The following COBLL1 variants were observed in gnomAD, a reference collection of about 807,000 sequenced individuals.
The protein encoded by COBLL1 is cordon-bleu WH2 repeat protein like 1.
In COBLL1, 50 loss-of-function variants were observed where a neutral mutation model predicts 94.8. The observed-to-expected ratio is 0.53, with a 90% CI of 0.42 to 0.67. COBLL1 has a LOEUF of 0.67. COBLL1 is among the 30% of genes least tolerant of loss of function. COBLL1 has a pLI of 0.00. For missense variants in COBLL1, 1,362 were observed against 1,348.7 expected (o/e 1.01, Z -0.15); for synonymous variants, 448 against 473.8 (o/e 0.95, Z 0.71).
Position 164,692,469 on chromosome 2 carries a change from C to A in COBLL1, c.3124-72G>T, listed in dbSNP as rs868273927. The A allele has an allele frequency of 7.8e-5, 93 of 1,186,900 alleles. No homozygotes were observed. In the Middle Eastern group the frequency reaches 2.7e-3, roughly 35 times the overall value. The allele number at this position is 1,186,900 out of a possible 1,614,324, so 73.5% of individuals were successfully genotyped here. A position where few individuals can be genotyped will look rare whatever the true frequency, so the allele number is the denominator to read the frequency against. On this transcript the variant is annotated intron_variant, in intron 12 of 13. Transcript: ENST00000652658. The stretch of plus-strand genomic sequence containing the variant: ...TGGGCCATTTTTTGCAAAACATTTT[C>A]ATCATCAATAGTTCTTTAACAATCA...
chr2:164,702,549 G>A (rs1159170537), intron 9 of COBLL1, among the ~76,000 whole-genome samples: 2 of 107,400 alleles, frequency 1.9e-5, no homozygotes, highest in South Asian at 5.7e-4. Flanking sequence ...GGGCAACAGT[G>A]AGACTCCTCA....
intron 2 of COBLL1, among the ~76,000 whole-genome samples, chr2:164,812,226 G>A (rs1469870318): frequency 6.6e-6 from 1 of 151,870 alleles, no homozygotes; most frequent in African/African-American, 2.4e-5. Flanking sequence ...AAGAACACTT[G>A]AATGTTGGTT....
chr2:164,835,040 G>A (rs1388903450), intron 2 of COBLL1, among the ~76,000 whole-genome samples: 1 of 151,140 alleles, frequency 6.6e-6, no homozygotes, highest in East Asian at 1.9e-4. Flanking sequence ...TTTGGTGAAT[G>A]TAAAATGGTA....
intron 2 of COBLL1, among the ~76,000 whole-genome samples, chr2:164,835,303 A>G (rs1408911432): frequency 6.6e-6 from 1 of 152,196 alleles, no homozygotes; most frequent in African/African-American, 2.4e-5. Context: ...GCAAAATGTG[A>G]TCTATACATA....
intron 2 of COBLL1, among the ~76,000 whole-genome samples, chr2:164,784,726 T>C (rs1419742481): frequency 2.6e-5 from 4 of 152,160 alleles, no homozygotes; most frequent in Non-Finnish European, 5.9e-5. Context: ...ATGATACTTA[T>C]GCATTTATCT....
intron 2 of COBLL1, among the ~76,000 whole-genome samples, chr2:164,760,328 G>A (rs1035955099): frequency 6.6e-6 from 1 of 152,156 alleles, no homozygotes; most frequent in Admixed American, 6.6e-5. Flanking sequence ...GCTTACGTAA[G>A]AGTCTCAAAG....
intron 2 of COBLL1, among the ~76,000 whole-genome samples, chr2:164,818,339 T>TAC (rs200311688): frequency 0.19 from 26,096 of 136,360 alleles, 3,110 homozygotes; most frequent in African/African-American, 0.3. Flanking sequence ...CATATATGTA[T>TAC]ATATACATAT....
In COBLL1 at chr2:164,659,582, G is replaced by A. The variant is rs185018045; in HGVS notation, n.182-5668C>T. Among the ~76,000 whole-genome samples the A allele has an allele frequency of 1.4e-3, 217 of 152,218 alleles. 1 individual carries two copies. The East Asian group carries it at 0.018, about 12-fold the overall frequency. On this transcript the variant is annotated intron_variant and non_coding_transcript_variant, in intron 2 of 2. Coordinates refer to the COBLL1 transcript ENST00000495084. The stretch of plus-strand genomic sequence containing the variant: ...GTTCACATCATGAGATGTCCACACA[G>A]TAAGATCTCTTCCCTGTATTATTGT...
In COBLL1 at chr2:164,700,665, C is replaced by T. The variant is rs369492762; in HGVS notation, c.1317G>A (p.Pro439=). 6.8e-6 allele frequency: 11 copies of T among 1,613,070 alleles called. No individual in the cohort carries two copies. Among genetic ancestry groups the T allele is most frequent in the South Asian group, 1.1e-5 (1 of 91,066 alleles). The change falls in exon 10 of 14, where the codon CCG becomes CCA. Residue 439 remains proline (P), a synonymous_variant. Transcript: ENST00000652658. ...ATACAAAAGGAATATCTTGTGACTT[C>T]GGAGAAATATTTTCAGCTTCAACTT... ...VPKVEAENIS[P]KSQDIPFVST...
intron 12 of COBLL1, among the ~76,000 whole-genome samples, chr2:164,694,065 GT>G (rs760876768): frequency 7.9e-5 from 12 of 152,086 alleles, no homozygotes; most frequent in Non-Finnish European, 1.6e-4. Context: ...TGACCTTACA[GT>G]AATACCTAAA....
intron 2 of COBLL1, among the ~76,000 whole-genome samples, chr2:164,777,339 C>CAA (rs1158860202): frequency 6.6e-6 from 1 of 151,240 alleles, no homozygotes; most frequent in Non-Finnish European, 1.5e-5. Flanking sequence ...GTTACACACA[C>CAA]ACACACACAC....
chr2:164,705,193 G>C, intron 7 of COBLL1, 88 bp from the exon 8 acceptor site: 1 of 1,015,546 alleles, frequency 9.8e-7, no homozygotes, highest in Non-Finnish European at 1.4e-6. Context: ...TCAAGCACAG[G>C]ATATATCCAA....
chr2:164,672,705 CAA>C (rs1187183800), intron 1 of COBLL1, among the ~76,000 whole-genome samples: 6 of 64,932 alleles, frequency 9.2e-5, no homozygotes, highest in Middle Eastern at 7.7e-3. Context: ...GACTCCGTCT[CAA>C]AAAAAAAAAA....
intron 2 of COBLL1, among the ~76,000 whole-genome samples, chr2:164,834,072 A>T (rs1054053556): frequency 3.9e-5 from 6 of 152,262 alleles, no homozygotes; most frequent in Middle Eastern, 3.4e-3. Context: ...GGGGGAAAAA[A>T]TTTAGCACAG....
intron 2 of COBLL1, among the ~76,000 whole-genome samples, chr2:164,763,194 A>G (rs910460985): frequency 3.3e-5 from 5 of 152,180 alleles, no homozygotes; most frequent in Admixed American, 2.0e-4. Flanking sequence ...ATAAAGGGTC[A>G]CATTTCCAAT....
chr2:164,699,369 G>A, intron 11 of COBLL1, 36 bp downstream of exon 11: 1 of 1,316,098 alleles, frequency 7.6e-7, no homozygotes, highest in Non-Finnish European at 1.1e-6. Flanking sequence ...CATAATAAAA[G>A]TAAGAAAGTG....
chr2:164,695,670 T>G lies in COBLL1; in HGVS notation c.1722A>C (p.Ile574=). The G allele has an allele frequency of 1.2e-6, 2 of 1,613,890 alleles. No homozygotes were observed. The highest frequency in any genetic ancestry group is 1.7e-6 in the Non-Finnish European group (2 of 1,179,850). The part of the protein sequence containing the change: ...NSEAHETDTA[I]SYKENHLAAS... ...CTGCTAGATGGTTTTCCTTGTAACT[T>G]ATAGCAGTATCAGTTTCATGTGCCT... Residue 574 remains isoleucine (I), a synonymous_variant, in exon 12 of 14, where the codon ATA becomes ATC. Transcript: ENST00000652658.
At chr2:164,793,119 T>G (rs945058088) in intron 2 of COBLL1, among the ~76,000 whole-genome samples, 5 of 152,162 alleles carry the variant, frequency 3.3e-5, no homozygotes, top group Admixed American at 3.3e-4. Flanking sequence ...AGGCAGAAAC[T>G]TAAATTCATG....
intron 3 of COBLL1, among the ~76,000 whole-genome samples, chr2:164,738,536 C>CCT (rs1686430068): frequency 1.3e-5 from 2 of 152,068 alleles, no homozygotes; most frequent in African/African-American, 4.8e-5. Flanking sequence ...ATAGCATTTT[C>CCT]TGAGAAGAAG....
Sources: allele counts gnomAD v4.1 joint callset (sites outside exome capture counted in the v4.1 genomes callset), GRCh38; gene constraint gnomAD v4.1.1; transcripts MANE v1.5; gene names NCBI Gene and HGNC (gene_info 2026-07-23, HGNC 2026-07-21).